Variants in TMEM200C observed in about 807,000 individuals in gnomAD.
TMEM200C encodes transmembrane protein TTMA.
For synonymous variants in TMEM200C, 462 were observed against 324.7 expected (o/e 1.42, Z -4.55); for missense variants, 966 against 699.9 (o/e 1.38, Z -4.29).
Position 5,891,729 on chromosome 18 carries a change from C to G in TMEM200C, c.335G>C (p.Arg112Pro), listed in dbSNP as rs1305290770. Reference sequence around the variant, plus strand: ...TGGAGCCCTAGGGTGGCTCCTGGACCGGTTTTTGCTGCCACTGCTACTGCT... The same window carrying G: ...TGGAGCCCTAGGGTGGCTCCTGGACGGGTTTTTGCTGCCACTGCTACTGCT... Residue 112 changes from arginine (R) to proline (P), a missense_variant, in exon 3 of 3, where the codon CGG (arginine) becomes CCG (proline). Arg to Pro is a moderately radical substitution (Grantham distance 103). Transcript: ENST00000581347. The surrounding 1 kb of genome is among the most constrained non-coding windows in gnomAD (Gnocchi z 4.7). 6.2e-7 allele frequency: 1 copy of G among 1,612,566 alleles called. No homozygotes were observed. The highest frequency in any genetic ancestry group is 2.2e-5 in the East Asian group (1 of 44,842).
rs369041585 is a variant in TMEM200C, at chr18:5,894,044, G to A, written c.-95+986C>T. Reference sequence around the variant, plus strand: ...CATCTTAAATAATCTGGAGATCCGTGGTTATCTTAAGAAGGCTTTAAGGAC... The same window carrying A: ...CATCTTAAATAATCTGGAGATCCGTAGTTATCTTAAGAAGGCTTTAAGGAC... On this transcript the variant is annotated intron_variant, in intron 2 of 2. Coordinates refer to ENST00000581347, the Ensembl canonical transcript of TMEM200C. Among the ~76,000 whole-genome samples, 5 of 152,308 alleles carry A rather than the reference G, an allele frequency of 3.3e-5. No homozygotes were observed. The East Asian group carries it at 5.8e-4, about 18-fold the overall frequency.
chr18:5,890,417 C>G (rs745827133), exon 3 of TMEM200C: 12 of 1,573,626 alleles, frequency 7.6e-6, no homozygotes, highest in Non-Finnish European at 1.0e-5. Flanking sequence ...CGTCCAAGAC[C>G]GACTCGGTGG....
rs751262717 is a variant in TMEM200C at position 5,890,479 on chromosome 18, C to A, written c.1585G>T (p.Asp529Tyr). The stretch of plus-strand genomic sequence containing the variant: ...TAGCCCTTATTGCTGCTGGATGGGT[C>A]ATCCGACTGGGAGCTCCCGGAGTCC... The change falls in exon 3 of 3, where the codon GAC becomes TAC. Residue 529 changes from aspartate (D) to tyrosine (Y), a missense_variant. Physicochemically the swap from Asp to Tyr is radical, Grantham distance 160 (BLOSUM62 -3). Coordinates refer to ENST00000581347, the Ensembl canonical transcript of TMEM200C. The A allele has an allele frequency of 3.2e-6, 5 of 1,557,264 alleles. No homozygotes were observed. In the East Asian group the frequency reaches 1.2e-4, roughly 37 times the overall value.
exon 3 of TMEM200C, chr18:5,882,906 T>C (rs2095162797): frequency 6.6e-6 from 1 of 152,156 alleles, no homozygotes; most frequent in African/African-American, 2.4e-5. Context: ...AATGGTTACA[T>C]AAGCAGAAGG....
exon 3 of TMEM200C, chr18:5,889,586 C>T (rs1202784717): frequency 2.6e-5 from 4 of 152,142 alleles, no homozygotes; most frequent in Non-Finnish European, 5.9e-5. Context: ...AGCCTAGTAG[C>T]AAAACGTACA....
exon 3 of TMEM200C, chr18:5,890,388 C>A (rs754180356): frequency 6.3e-7 from 1 of 1,582,426 alleles, no homozygotes; most frequent in Non-Finnish European, 8.6e-7. Context: ...AGCAGAGTCT[C>A]GCGTTTGACC....
exon 3 of TMEM200C, chr18:5,886,032 A>T (rs1250644980): frequency 7.3e-6 from 1 of 136,936 alleles, no homozygotes; most frequent in African/African-American, 2.4e-5. Flanking sequence ...CTTATTTATA[A>T]AATGTATTTT....
At position 5,891,365 on chromosome 18, in the gene TMEM200C, C is replaced by T; in HGVS notation, c.699G>A (p.Ser233=). 6 of 1,348,072 alleles carry T rather than the reference C, an allele frequency of 4.5e-6. No homozygotes were observed. Among genetic ancestry groups the T allele is most frequent in the Non-Finnish European group, 4.7e-6 (5 of 1,054,090 alleles). 83.5% of individuals were successfully genotyped at this position (1,348,072 alleles called of 1,614,324 possible). A position where few individuals can be genotyped will look rare whatever the true frequency, so the allele number is the denominator to read the frequency against. Residue 233 remains serine (S), a synonymous_variant, in exon 3 of 3, where the codon TCG becomes TCA. Coordinates refer to ENST00000581347, the Ensembl canonical transcript of TMEM200C. This position sits in a 1 kb window ranked among gnomAD's most constrained non-coding sequence, Gnocchi z 4.7. ...GGGGCGCCGCGGCGGGGGCAGACGA[C>T]GACGAAGAGGCGGCGGCGGCCGCGG...
At chr18:5,884,500 T>C (rs1405806142) in exon 3 of TMEM200C, 1 of 152,152 alleles carries the variant, frequency 6.6e-6, no homozygotes, top group Non-Finnish European at 1.5e-5. Context: ...AAATTGTGTC[T>C]TTCACAGACA....
chr18:5,890,391 G>A (rs1599525659), exon 3 of TMEM200C: 1 of 1,582,332 alleles, frequency 6.3e-7, no homozygotes, highest in Non-Finnish European at 8.6e-7. Context: ...AGAGTCTCGC[G>A]TTTGACCAGC....
chr18:5,890,642 C>G, exon 3 of TMEM200C: 1 of 775,358 alleles, frequency 1.3e-6, no homozygotes, highest in Non-Finnish European at 1.8e-6. Context: ...AGTCCGGGAG[C>G]CCGCTGGTGC....
exon 3 of TMEM200C, chr18:5,890,940 G>A (rs1206171043): frequency 7.4e-6 from 5 of 673,466 alleles, no homozygotes; most frequent in African/African-American, 1.9e-5. Flanking sequence ...GGCGCTCAGC[G>A]AGGAGTCCAC....
At chr18:5,883,666 GT>G (rs1350808656) in exon 3 of TMEM200C, 6 of 152,114 alleles carry the variant, frequency 3.9e-5, no homozygotes, top group Admixed American at 3.3e-4. Flanking sequence ...GTAGAAATCT[GT>G]AGAAATATAT....
exon 3 of TMEM200C, chr18:5,888,589 G>A (rs2095167211): frequency 6.6e-6 from 1 of 152,180 alleles, no homozygotes; most frequent in Non-Finnish European, 1.5e-5. Context: ...ACAGATAATA[G>A]GTGGATATCC....
chr18:5,882,434 C>T (rs2095162463), exon 3 of TMEM200C: 1 of 152,038 alleles, frequency 6.6e-6, no homozygotes, highest in African/African-American at 2.4e-5. Context: ...TAAAAGAAAT[C>T]TTGGAAAGCA....
rs757180104 is a variant in TMEM200C at position 5,891,430 on chromosome 18, T to G, written c.634A>C (p.Ser212Arg). The change falls in exon 3 of 3, where the codon AGC becomes CGC. Residue 212 changes from serine to arginine, a missense_variant. Ser to Arg is a moderately radical substitution (Grantham distance 110). Transcript: ENST00000581347. The surrounding 1 kb of genome is among the most constrained non-coding windows in gnomAD (Gnocchi z 4.7). ...GCCGCCAGGTCTTTGGCGCGGAGGC[T>G]GTGCACGTCGATGACGGTGGAGTAG... 2.0e-6 allele frequency: 3 copies of G among 1,524,882 alleles called. No individual in the cohort carries two copies. In the South Asian group the frequency reaches 3.6e-5, roughly 18 times the overall value. The allele number at this position is 1,524,882 out of a possible 1,614,324, so 94.5% of individuals were successfully genotyped here. A position where few individuals can be genotyped will look rare whatever the true frequency, so the allele number is the denominator to read the frequency against.
exon 3 of TMEM200C, chr18:5,886,668 G>A (rs983280429): frequency 2.0e-5 from 3 of 152,078 alleles, no homozygotes; most frequent in African/African-American, 7.2e-5. Flanking sequence ...GCCAGGAGTT[G>A]TTCTAAGTCC....
At position 5,891,457 on chromosome 18, in the gene TMEM200C, G is replaced by A. The variant is rs749373810; in HGVS notation, c.607C>T (p.Leu203Phe). ...TGCACGTCGATGACGGTGGAGTAGA[G>A]GTCCCGCAGGTTGATGATTTTGGTC... The change falls in exon 3 of 3, where the codon CTC (leucine) becomes TTC (phenylalanine). Residue 203 changes from leucine (L) to phenylalanine (F), a missense_variant. Leu to Phe is a conservative substitution (Grantham distance 22, BLOSUM62 0). Transcript: ENST00000581347. The surrounding 1 kb of genome is among the most constrained non-coding windows in gnomAD (Gnocchi z 4.7). 5 of 1,564,712 alleles carry A rather than the reference G, an allele frequency of 3.2e-6. No homozygotes were observed. The highest frequency in any genetic ancestry group is 8.7e-7 in the Non-Finnish European group (1 of 1,155,424).
chr18:5,890,860 G>C lies in TMEM200C; in HGVS notation c.1204C>G (p.Gln402Glu), dbSNP rs1364091754. Reference sequence around the variant, plus strand: ...GAGCCGCGTTCCCCCGGAGGCCTCTGCCAGCTGCAGCTCGCGCCCTCCGCG... The same window carrying C: ...GAGCCGCGTTCCCCCGGAGGCCTCTCCCAGCTGCAGCTCGCGCCCTCCGCG... Residue 402 changes from glutamine to glutamate, a missense_variant, in exon 3 of 3, where the codon CAG (glutamine) becomes GAG (glutamate). Physicochemically the swap from Gln to Glu is conservative, Grantham distance 29. Transcript: ENST00000581347. 3 of 681,714 alleles carry C rather than the reference G, an allele frequency of 4.4e-6. No homozygotes were observed. In the Admixed American group the frequency reaches 6.2e-5, roughly 14 times the overall value. 42.2% of individuals were successfully genotyped at this position (681,714 alleles called of 1,614,324 possible). A position where few individuals can be genotyped will look rare whatever the true frequency, so the allele number is the denominator to read the frequency against.
Sources: gnomAD v4.1 joint callset for allele counts (sites outside exome capture counted in the v4.1 genomes callset) on GRCh38, gnomAD v4.1.1 for gene constraint, Gnocchi (gnomAD v3.1) non-coding constraint, MANE v1.5 for transcripts, NCBI Gene and HGNC (gene_info 2026-07-23, HGNC 2026-07-21) for gene names.